Variants in PRIMPOL observed in about 807,000 individuals in gnomAD.
The protein encoded by PRIMPOL is primase and DNA directed polymerase, also known as DNA-directed primase/polymerase protein.
A neutral mutation model predicts 63.6 loss-of-function variants in PRIMPOL; 54 were observed. The observed-to-expected ratio is 0.85, with a 90% CI of 0.68 to 1.07. The LOEUF is 1.07. PRIMPOL is among the 50% of genes least tolerant of loss of function. The pLI is 0.00. For missense variants in PRIMPOL, 610 were observed against 648.3 expected, an observed-to-expected ratio of 0.94 and a Z score of 0.64; for synonymous variants, 197 against 220.2, an observed-to-expected ratio of 0.89 and a Z score of 0.93.
At chr4:184,684,920 G>A (rs969094526) in intron 9 of PRIMPOL, among the ~76,000 whole-genome samples, 1 of 152,140 alleles carries the variant, frequency 6.6e-6, no homozygotes, top group African/African-American at 2.4e-5. Flanking sequence ...CATGTTTGTG[G>A]TTTGGAAGAT....
intron 1 of PRIMPOL, among the ~76,000 whole-genome samples, chr4:184,650,199 A>G (rs1743802194): frequency 6.7e-6 from 1 of 149,270 alleles, no homozygotes; most frequent in Non-Finnish European, 1.5e-5. Context: ...ATAGTAGTGT[A>G]CTTAATCCAC....
chr4:184,690,520 C>T (rs537902439), intron 11 of PRIMPOL, among the ~76,000 whole-genome samples: 230 of 152,212 alleles, frequency 1.5e-3, no homozygotes, highest in African/African-American at 5.2e-3. Flanking sequence ...AGAGCAGTGG[C>T]ACCAGCTTGG....
intron 9 of PRIMPOL, among the ~76,000 whole-genome samples, chr4:184,684,965 G>A (rs1322835701): frequency 1.3e-5 from 2 of 152,148 alleles, no homozygotes; most frequent in Non-Finnish European, 2.9e-5. Context: ...CATGATTACA[G>A]AGTGGTTATC....
chr4:184,651,848 C>T (rs1360164087), intron 1 of PRIMPOL, among the ~76,000 whole-genome samples, 175 bp from the exon 2 acceptor site: 2 of 152,194 alleles, frequency 1.3e-5, no homozygotes, highest in Admixed American at 6.5e-5. Flanking sequence ...GGGGTTTCAC[C>T]ATGTTGGCCA....
intron 4 of PRIMPOL, among the ~76,000 whole-genome samples, chr4:184,659,807 T>C (rs1747757754): frequency 6.6e-6 from 1 of 152,160 alleles, no homozygotes; most frequent in Non-Finnish European, 1.5e-5. Context: ...TTATTTGTTA[T>C]TAGCTTTAGT....
intron 2 of PRIMPOL, among the ~76,000 whole-genome samples, chr4:184,653,215 C>A (rs1204489359): frequency 6.6e-6 from 1 of 151,920 alleles, no homozygotes; most frequent in Non-Finnish European, 1.5e-5. Context: ...AAATAGGAAG[C>A]ATGTGCCCCC....
At chr4:184,678,200 CTT>C in intron 7 of PRIMPOL, 30 bp from the exon 8 acceptor site, 1 of 1,402,630 alleles carries the variant, frequency 7.1e-7, no homozygotes, top group African/African-American at 1.5e-5. Context: ...AGAAAACATG[CTT>C]TCATATTGTT....
Position 184,661,889 on chromosome 4 carries a change from G to A in PRIMPOL, c.394G>A (p.Ala132Thr), listed in dbSNP as rs768625097. Residue 132 changes from alanine (A) to threonine (T), a missense_variant, in exon 5 of 14, where the codon GCA becomes ACA. Transcript: ENST00000314970. ...AGGAGCTGATGGGAAAAAGATGGTT[G>A]CATTACTCATTGAGGTAAATGGCCA... The part of the protein sequence containing the change: ...NPGADGKKMV[A>T]LLIEYVCKAL... The A allele has an allele frequency of 2.5e-6, 4 of 1,612,188 alleles. No individual in the cohort carries two copies.
chr4:184,691,524 G>A lies in PRIMPOL; in HGVS notation c.1321G>A (p.Val441Ile). 1 of 1,595,304 alleles carries A rather than the reference G, an allele frequency of 6.3e-7. No homozygotes were observed. The highest frequency in any genetic ancestry group is 8.6e-7 in the Non-Finnish European group (1 of 1,167,482). ...GATTCTGGTTGATCTGAAAAATGAA[G>A]TTTGGTATCAAAAATGTCATGACCC... Reference protein sequence around the residue: ...IMILVDLKNEVWYQKCHDPVC... With the variant: ...IMILVDLKNEIWYQKCHDPVC... The change falls in exon 12 of 14, where the codon GTT becomes ATT. Residue 441 changes from valine to isoleucine, a missense_variant. Physicochemically the swap from Val to Ile is conservative, Grantham distance 29. Coordinates refer to ENST00000314970, the MANE Select transcript of PRIMPOL (RefSeq NM_152683.4).
chr4:184,654,110 G>T (rs1745522694), intron 2 of PRIMPOL, among the ~76,000 whole-genome samples: 1 of 152,160 alleles, frequency 6.6e-6, no homozygotes, highest in South Asian at 2.1e-4. Context: ...GTTCCTGTAT[G>T]ACATACTCCC....
chr4:184,674,003 G>A (rs775051610), intron 7 of PRIMPOL, among the ~76,000 whole-genome samples: 4 of 152,140 alleles, frequency 2.6e-5, no homozygotes, highest in Admixed American at 6.5e-5. Context: ...TATCATCTCC[G>A]GGTGGGACTA....
intron 13 of PRIMPOL, among the ~76,000 whole-genome samples, chr4:184,692,596 CT>C (rs1759039499): frequency 6.6e-6 from 1 of 151,708 alleles, no homozygotes; most frequent in African/African-American, 2.4e-5. Flanking sequence ...TGGCACGTAC[CT>C]TCGAGAATTT....
intron 13 of PRIMPOL, among the ~76,000 whole-genome samples, chr4:184,691,937 T>A (rs1261223108): frequency 6.7e-6 from 1 of 149,992 alleles, no homozygotes; most frequent in Non-Finnish European, 1.5e-5. Context: ...GTGTACAGTT[T>A]AATCAGTCCC....
At chr4:184,688,640 C>T (rs191903342) in intron 11 of PRIMPOL, among the ~76,000 whole-genome samples, 5 of 152,294 alleles carry the variant, frequency 3.3e-5, no homozygotes, top group African/African-American at 9.6e-5. Flanking sequence ...CAGGAAGCAC[C>T]GAGGTTGTGA....
At chr4:184,669,234 G>C (rs1348718554) in intron 6 of PRIMPOL, among the ~76,000 whole-genome samples, 4 of 152,204 alleles carry the variant, frequency 2.6e-5, no homozygotes, top group African/African-American at 9.7e-5. Context: ...CCAAAAGGTA[G>C]GTGCTGTTGT....
At chr4:184,692,632 T>G (rs941188084) in intron 13 of PRIMPOL, among the ~76,000 whole-genome samples, 3 of 152,148 alleles carry the variant, frequency 2.0e-5, no homozygotes, top group Non-Finnish European at 4.4e-5. Flanking sequence ...TCTTTTTTTT[T>G]GAAGTGATAG....
In PRIMPOL at chr4:184,657,280, G is replaced by A. The variant is rs765537094; in HGVS notation, c.140G>A (p.Arg47Gln). The A allele has an allele frequency of 6.8e-6, 11 of 1,612,590 alleles. 1 individual carries two copies. The highest frequency in any genetic ancestry group is 3.3e-5 in the Admixed American group (2 of 59,722). The change falls in exon 3 of 14, where the codon CGA (arginine) becomes CAA (glutamine). Residue 47 changes from arginine (R) to glutamine (Q), a missense_variant. Transcript: ENST00000314970. ...CCCTCCATCTGGAGACTATTTCATC[G>A]ACAAGCTCAAGCTTTTAATTTTGTT... ...EPPSIWRLFH[R>Q]QAQAFNFVKS...
intron 6 of PRIMPOL, among the ~76,000 whole-genome samples, chr4:184,670,494 A>G (rs897813199): frequency 9.9e-5 from 15 of 151,856 alleles, no homozygotes; most frequent in African/African-American, 1.5e-4. Flanking sequence ...TTTGATTTTG[A>G]CATTTAGTGC....
At chr4:184,687,912 G>A (rs942876738) in intron 11 of PRIMPOL, among the ~76,000 whole-genome samples, 21 of 152,322 alleles carry the variant, frequency 1.4e-4, no homozygotes, top group African/African-American at 4.1e-4. Context: ...CACCGTGCCC[G>A]GCCATAAACA....
Sources: allele counts gnomAD v4.1 joint callset (sites outside exome capture counted in the v4.1 genomes callset), GRCh38; gene constraint gnomAD v4.1.1; transcripts MANE v1.5; gene names NCBI Gene and HGNC (gene_info 2026-07-23, HGNC 2026-07-21).